Variants in SYT15 observed in about 807,000 individuals in gnomAD.
SYT15 encodes synaptotagmin-15.
A neutral mutation model predicts 30.1 loss-of-function variants in SYT15; 4 were observed. The ratio of observed to expected loss-of-function variants is 0.13; its 90% CI spans 0.07 to 0.30. The LOEUF (loss-of-function observed/expected upper bound fraction) is 0.30, where lower values mean the gene tolerates loss of function less well. Ranked by LOEUF, SYT15 falls within the 10% of genes least tolerant of loss-of-function variation. SYT15 has a pLI of 1.00. For synonymous variants in SYT15, 19 were observed against 166.3 expected (o/e 0.11, Z 6.82); for missense variants, 49 against 371.7 (o/e 0.13, Z 7.14).
chr10:46,596,168 C>G (rs1305638070), downstream of SYT15: 1 of 148,496 alleles, frequency 6.7e-6, no homozygotes, highest in African/African-American at 2.6e-5. Flanking sequence ...GAGGAACCCC[C>G]CTACTGCAGA....
chr10:46,593,141 C>A (rs1460231288), downstream of SYT15: 1 of 100,282 alleles, frequency 1.0e-5, no homozygotes, highest in Non-Finnish European at 2.0e-5. Context: ...AGCAAGATCC[C>A]CCCCCTCTAC....
At chr10:46,595,877 G>A (rs3120433), downstream of SYT15, 4 of 140,522 alleles carry the variant, frequency 2.8e-5, no homozygotes, top group African/African-American at 1.2e-4. Flanking sequence ...AGCATAAAAA[G>A]GCAAGCTGCA....
At chr10:46,580,646 G>C (rs1844071910) in intron 2 of SYT15, among the ~76,000 whole-genome samples, 1 of 138,478 alleles carries the variant, frequency 7.2e-6, no homozygotes, top group African/African-American at 2.9e-5. Context: ...GGCTGACACT[G>C]TCAGGTGCTG....
At chr10:46,593,415 A>AC (rs1565255505), downstream of SYT15, 1 of 144,940 alleles carries the variant, frequency 6.9e-6, no homozygotes, top group Non-Finnish European at 1.5e-5. Context: ...ACATGGTGAA[A>AC]CCCCGTCTCC....
At chr10:46,586,805 A>C (rs111596780) in intron 7 of SYT15, among the ~76,000 whole-genome samples, 9 of 69,492 alleles carry the variant, frequency 1.3e-4, no homozygotes, top group Admixed American at 1.2e-3. Context: ...AGATCTTGCA[A>C]CTGCACTCCA....
intron 7 of SYT15, among the ~76,000 whole-genome samples, chr10:46,586,620 G>T (rs1404909536): frequency 7.1e-6 from 1 of 141,382 alleles, no homozygotes; most frequent in Non-Finnish European, 1.5e-5. Context: ...ACCGAGAGGG[G>T]TGGATCACGA....
downstream of SYT15, among the ~76,000 whole-genome samples, chr10:46,595,284 C>G (rs1399485139): frequency 7.1e-6 from 1 of 141,550 alleles, no homozygotes; most frequent in Non-Finnish European, 1.5e-5. Context: ...TGCGCTACCA[C>G]GCCCGGCTAA....
At chr10:46,584,720 A>T in intron 6 of SYT15, 105 bp downstream of exon 6, 1 of 1,481,896 alleles carries the variant, frequency 6.7e-7, no homozygotes, top group Non-Finnish European at 9.0e-7. Context: ...GCTTGCATAC[A>T]CCTATCATGG....
At chr10:46,593,447 C>G (rs1479983106), downstream of SYT15, 1 of 147,286 alleles carries the variant, frequency 6.8e-6, no homozygotes, top group Non-Finnish European at 1.5e-5. Context: ...CAAAAATTAG[C>G]CAGGCATGGT....
At chr10:46,582,561 G>A (rs1310580302) in intron 4 of SYT15, among the ~76,000 whole-genome samples, 1 of 143,294 alleles carries the variant, frequency 7.0e-6, no homozygotes, top group African/African-American at 2.7e-5. Flanking sequence ...GTTTATCTAA[G>A]GAAGGCAAAA....
downstream of SYT15, among the ~76,000 whole-genome samples, chr10:46,595,118 A>G: frequency 7.6e-6 from 1 of 131,324 alleles, no homozygotes; most frequent in African/African-American, 3.2e-5. Flanking sequence ...GGTCTGAGCT[A>G]GGGTAGGCAA....
chr10:46,580,803 C>T (rs1588999057), intron 2 of SYT15, 91 bp from the exon 3 acceptor site: 3 of 1,004,000 alleles, frequency 3.0e-6, no homozygotes, highest in Admixed American at 2.9e-5. Flanking sequence ...TTTTCTTCCT[C>T]CAGCCCCTGG....
chr10:46,584,426 G>T, intron 5 of SYT15, 69 bp from the exon 6 acceptor site: 2 of 1,587,188 alleles, frequency 1.3e-6, no homozygotes, highest in Non-Finnish European at 1.7e-6. Flanking sequence ...AGGCTCTCTG[G>T]GGGTTCTGTG....
At chr10:46,586,282 C>T (rs1555040728) in intron 7 of SYT15, among the ~76,000 whole-genome samples, 1 of 128,744 alleles carries the variant, frequency 7.8e-6, no homozygotes, top group Non-Finnish European at 1.6e-5. Flanking sequence ...CACGGTGGCT[C>T]ACACCTGTAA....
intron 5 of SYT15, among the ~76,000 whole-genome samples, chr10:46,584,155 C>A (rs1162889696): frequency 1.3e-5 from 2 of 149,014 alleles, no homozygotes; most frequent in African/African-American, 5.1e-5. Context: ...GAAATATCCA[C>A]ATTTGGATTC....
At position 46,585,779 on chromosome 10, in the gene SYT15, TAAGGCCACACCC is replaced by T. The variant is rs1555040447; in HGVS notation, c.1123+3_1123+14del. The T allele has an allele frequency of 2.8e-6, 1 of 351,102 alleles. No individual in the cohort carries two copies. Among genetic ancestry groups the T allele is most frequent in the Non-Finnish European group, 4.8e-6 (1 of 207,502 alleles). The allele number at this position is 351,102 out of a possible 1,614,324, so 21.7% of individuals were successfully genotyped here. On this transcript the variant is annotated splice_donor_5th_base_variant and intron_variant, in intron 7 of 7. Coordinates refer to ENST00000374321, the MANE Select transcript of SYT15 (RefSeq NM_031912.5). ...TGGTGCAGAACATGGAAGGGGACAG[TAAGGCCACACCC>T]TACCCTGGGCTGCTGGGATGGGGAC...
chr10:46,593,706 T>C (rs1214882138), downstream of SYT15: 1 of 135,340 alleles, frequency 7.4e-6, no homozygotes, highest in Non-Finnish European at 1.6e-5. Context: ...TCAGGCTATA[T>C]TTATTTAACT....
chr10:46,591,017 T>G lies in SYT15; in HGVS notation c.*3370T>G, dbSNP rs565073346. 7.0e-6 allele frequency: 1 copy of G among 142,380 alleles called. No individual in the cohort carries two copies. Among genetic ancestry groups the G allele is most frequent in the Admixed American group, 7.0e-5 (1 of 14,302 alleles). The allele number at this position is 142,380 out of a possible 1,614,324, so 8.8% of individuals were successfully genotyped here. ...TAAACACAACAATACTTGGACTTAT[T>G]TATTTAAAATTTAGATTTATTAGAG... On this transcript the variant is annotated 3_prime_UTR_variant, in exon 8 of 8. Coordinates refer to ENST00000374321, the MANE Select transcript of SYT15 (RefSeq NM_031912.5).
chr10:46,583,767 G>A lies in SYT15; in HGVS notation c.687G>A (p.Lys229=). The part of the protein sequence containing the change: ...SSKTITQRVL[K]FSVYHVDRQR... ...AGACCATCACCCAGAGGGTGCTGAAGTTCTCCGTCTACCACGTGGACAGGC... is the reference window on the plus strand; with the variant it reads ...AGACCATCACCCAGAGGGTGCTGAAATTCTCCGTCTACCACGTGGACAGGC... The change falls in exon 5 of 8, where the codon AAG becomes AAA. Residue 229 remains lysine, a synonymous_variant. Coordinates refer to ENST00000374321, the MANE Select transcript of SYT15 (RefSeq NM_031912.5). 8.4e-7 allele frequency: 1 copy of A among 1,194,376 alleles called. No individual in the cohort carries two copies. Among genetic ancestry groups the A allele is most frequent in the South Asian group, 1.5e-5 (1 of 66,582 alleles). 74.0% of individuals were successfully genotyped at this position (1,194,376 alleles called of 1,614,324 possible).
Sources: gnomAD v4.1 joint callset for allele counts (sites outside exome capture counted in the v4.1 genomes callset) on GRCh38, gnomAD v4.1.1 for gene constraint, MANE v1.5 for transcripts, NCBI Gene and HGNC (gene_info 2026-07-23, HGNC 2026-07-21) for gene names.